The following GALNTL6 variants were observed in gnomAD, a reference collection of about 807,000 sequenced individuals.
GALNTL6 encodes polypeptide N-acetylgalactosaminyltransferase-like 6.
In GALNTL6, 46 loss-of-function variants were observed where a neutral mutation model predicts 73.7. The ratio of observed to expected loss-of-function variants is 0.62; its 90% CI spans 0.49 to 0.80. The LOEUF is 0.80. Ranked by LOEUF, GALNTL6 falls within the 30% of genes least tolerant of loss-of-function variation. The pLI is 0.00. For synonymous variants in GALNTL6, 259 were observed against 263.7 expected (o/e 0.98, Z 0.17); for missense variants, 604 against 755.0 (o/e 0.80, Z 2.34).
intron 5 of GALNTL6, among the ~76,000 whole-genome samples, chr4:172,350,885 G>A (rs1057240113): frequency 2.0e-5 from 3 of 152,084 alleles, no homozygotes; most frequent in Admixed American, 2.0e-4. Context: ...AATAATTAAT[G>A]TAATGAACAC....
At chr4:172,339,040 G>T (rs1741447055) in intron 4 of GALNTL6, among the ~76,000 whole-genome samples, 1 of 152,136 alleles carries the variant, frequency 6.6e-6, no homozygotes, top group African/African-American at 2.4e-5. Context: ...GTGAGTGAGT[G>T]CTCTGAATGC....
At chr4:172,268,312 A>G (rs2111051048) in intron 3 of GALNTL6, among the ~76,000 whole-genome samples, 1 of 152,334 alleles carries the variant, frequency 6.6e-6, no homozygotes, top group South Asian at 2.1e-4. Context: ...TGGGATCACC[A>G]CATGTGAATA....
At chr4:172,590,022 T>C (rs1480458479) in intron 5 of GALNTL6, among the ~76,000 whole-genome samples, 1 of 152,240 alleles carries the variant, frequency 6.6e-6, no homozygotes, top group African/African-American at 2.4e-5. Context: ...CAGAGGCCCA[T>C]GGTACTTGTC....
chr4:172,065,641 C>T (rs1295717099), intron 2 of GALNTL6, among the ~76,000 whole-genome samples: 1 of 152,094 alleles, frequency 6.6e-6, no homozygotes, highest in Non-Finnish European at 1.5e-5. Context: ...TTCCCACATG[C>T]CCTTCTTTCT....
intron 5 of GALNTL6, among the ~76,000 whole-genome samples, chr4:172,594,211 T>C (rs1579222945): frequency 7.1e-6 from 1 of 141,530 alleles, no homozygotes; most frequent in African/African-American, 3.0e-5. Context: ...CCAGGCCTAG[T>C]GGTGGGCGCC....
intron 5 of GALNTL6, among the ~76,000 whole-genome samples, chr4:172,672,519 G>A (rs1303025637): frequency 2.0e-5 from 3 of 152,218 alleles, no homozygotes; most frequent in Admixed American, 2.0e-4. Flanking sequence ...TCAGCATGAT[G>A]CTGGCCTCAT....
intron 10 of GALNTL6, among the ~76,000 whole-genome samples, chr4:173,007,770 C>T (rs1423797341): frequency 1.3e-5 from 2 of 151,992 alleles, no homozygotes; most frequent in Non-Finnish European, 2.9e-5. Flanking sequence ...TGCGCCACTG[C>T]ACTCCAGCCT....
intron 5 of GALNTL6, among the ~76,000 whole-genome samples, chr4:172,581,890 G>A (rs967738896): frequency 6.6e-6 from 1 of 152,194 alleles, no homozygotes; most frequent in African/African-American, 2.4e-5. Flanking sequence ...TTCAGACCAG[G>A]TCAGGATAGA....
chr4:173,036,519 T>A (rs1022822895), intron 12 of GALNTL6, among the ~76,000 whole-genome samples: 5 of 152,160 alleles, frequency 3.3e-5, no homozygotes, highest in Admixed American at 2.0e-4. Flanking sequence ...CATTGAGCAT[T>A]GATTAGGAAG....
At chr4:172,323,072 G>A (rs1273365559) in intron 4 of GALNTL6, among the ~76,000 whole-genome samples, 1 of 152,022 alleles carries the variant, frequency 6.6e-6, no homozygotes, top group African/African-American at 2.4e-5. Context: ...ATGGCTGCAG[G>A]AACACAACAA....
chr4:172,700,319 G>A (rs997692469), intron 5 of GALNTL6, among the ~76,000 whole-genome samples: 2 of 152,066 alleles, frequency 1.3e-5, no homozygotes, highest in South Asian at 4.1e-4. Context: ...ATCTCAACAA[G>A]ACAATCTATT....
At chr4:172,554,668 G>A (rs1297141568) in intron 5 of GALNTL6, among the ~76,000 whole-genome samples, 1 of 152,150 alleles carries the variant, frequency 6.6e-6, no homozygotes, top group South Asian at 2.1e-4. Flanking sequence ...AAATTACACT[G>A]TGTAAGTTCT....
At chr4:172,894,118 C>G (rs1746196019) in intron 8 of GALNTL6, among the ~76,000 whole-genome samples, 1 of 152,202 alleles carries the variant, frequency 6.6e-6, no homozygotes, top group Non-Finnish European at 1.5e-5. Flanking sequence ...TTTGTTTCCT[C>G]TCAGTGGGAG....
At chr4:172,105,364 G>A (rs564429658) in intron 2 of GALNTL6, among the ~76,000 whole-genome samples, 1 of 152,054 alleles carries the variant, frequency 6.6e-6, no homozygotes, top group East Asian at 1.9e-4. Context: ...TAAATGAAAT[G>A]CTCCAAAATC....
chr4:172,796,740 C>T (rs1231104424), intron 5 of GALNTL6, among the ~76,000 whole-genome samples: 1 of 152,168 alleles, frequency 6.6e-6, no homozygotes, highest in Non-Finnish European at 1.5e-5. Context: ...CAGCCCATTT[C>T]CTGCATATTT....
intron 2 of GALNTL6, among the ~76,000 whole-genome samples, chr4:172,103,033 A>G (rs974137602): frequency 7.9e-5 from 12 of 152,170 alleles, no homozygotes; most frequent in Non-Finnish European, 1.3e-4. Flanking sequence ...GAGACCTAGG[A>G]ATAAAGGTTC....
intron 2 of GALNTL6, among the ~76,000 whole-genome samples, chr4:172,032,280 A>G (rs1301799131): frequency 1.3e-5 from 2 of 152,110 alleles, no homozygotes; most frequent in African/African-American, 4.8e-5. Context: ...ATAATTTGAA[A>G]GAGATTAATA....
At chr4:172,420,349 G>A (rs542805926) in intron 5 of GALNTL6, among the ~76,000 whole-genome samples, 1 of 152,178 alleles carries the variant, frequency 6.6e-6, no homozygotes, top group African/African-American at 2.4e-5. Context: ...AAAAAGTCCC[G>A]TATTGGGAGC....
At chr4:173,030,385 T>C (rs1364382526) in intron 12 of GALNTL6, among the ~76,000 whole-genome samples, 1 of 152,128 alleles carries the variant, frequency 6.6e-6, no homozygotes, top group African/African-American at 2.4e-5. Context: ...CATTTCAACT[T>C]AGCAATATTC....
Sources: gnomAD v4.1 joint callset for allele counts (sites outside exome capture counted in the v4.1 genomes callset) on GRCh38, gnomAD v4.1.1 for gene constraint, MANE v1.5 for transcripts, NCBI Gene and HGNC (gene_info 2026-07-23, HGNC 2026-07-21) for gene names.